The following ZNF334 variants were observed in gnomAD, a reference collection of about 807,000 sequenced individuals.
The protein encoded by ZNF334 is zinc finger protein 334.
Under a neutral mutation model 12.4 loss-of-function variants are expected in ZNF334, and 14 were observed. The observed-to-expected ratio is 1.13, with a 90% CI of 0.74 to 1.76. The LOEUF (loss-of-function observed/expected upper bound fraction) is 1.76, where lower values mean the gene tolerates loss of function less well. Ranked by LOEUF, ZNF334 falls within the 40% of genes most tolerant of loss-of-function variation. The pLI is 0.00. For synonymous variants in ZNF334, 273 were observed against 269.6 expected, an observed-to-expected ratio of 1.01 and a Z score of -0.12; for missense variants, 797 against 804.5, an observed-to-expected ratio of 0.99 and a Z score of 0.11.
chr20:46,480,328 G>A, the ZNF334 span, among the ~76,000 whole-genome samples: 1 of 152,022 alleles, frequency 6.6e-6, no homozygotes, highest in Non-Finnish European at 1.5e-5. Context: ...CCCCTTTCTG[G>A]GACAAGCAGC....
intron 2 of ZNF334, chr20:46,509,783 T>C (rs903788277): frequency 3.0e-6 from 2 of 660,634 alleles, no homozygotes; most frequent in African/African-American, 3.6e-5. Flanking sequence ...TGTGGGTGGG[T>C]GGCATTAACT....
the ZNF334 span, among the ~76,000 whole-genome samples, chr20:46,463,444 C>T: frequency 6.6e-6 from 1 of 152,168 alleles, no homozygotes; most frequent in African/African-American, 2.4e-5. Flanking sequence ...TCAGCAGAAA[C>T]GTCAAGGATC....
chr20:46,474,348 C>T, the ZNF334 span, among the ~76,000 whole-genome samples: 1 of 150,086 alleles, frequency 6.7e-6, no homozygotes, highest in East Asian at 1.9e-4. Flanking sequence ...CCACTGCATT[C>T]CAGCTGGGGC....
chr20:46,504,180 A>G (rs758485104), intron 4 of ZNF334, 34 bp downstream of exon 4: 4 of 1,451,990 alleles, frequency 2.8e-6, no homozygotes, highest in South Asian at 1.3e-5. Flanking sequence ...TCTCATTTCC[A>G]TTGGTTCCAC....
chr20:46,482,152 T>C, the ZNF334 span, among the ~76,000 whole-genome samples: 11 of 152,344 alleles, frequency 7.2e-5, no homozygotes, highest in East Asian at 1.5e-3. Flanking sequence ...GACACAGCAC[T>C]GCTAACCCAT....
chr20:46,503,464 A>G (rs2061323139), intron 4 of ZNF334, among the ~76,000 whole-genome samples: 1 of 152,232 alleles, frequency 6.6e-6, no homozygotes, highest in Non-Finnish European at 1.5e-5. Context: ...GGAGTGTTGA[A>G]TAAAACAGAC....
chr20:46,499,043 G>A (rs371684399), downstream of ZNF334, among the ~76,000 whole-genome samples: 38 of 150,878 alleles, frequency 2.5e-4, no homozygotes, highest in East Asian at 2.5e-3. Context: ...GCGTAGTGGC[G>A]GGCGCCTGTA....
chr20:46,484,578 G>A, the ZNF334 span: 1 of 167,568 alleles, frequency 6.0e-6, no homozygotes, highest in East Asian at 1.9e-4. Flanking sequence ...TAAATACCTT[G>A]CGTCTTTGGG....
At chr20:46,472,072 T>G in the ZNF334 span, among the ~76,000 whole-genome samples, 1 of 152,234 alleles carries the variant, frequency 6.6e-6, no homozygotes, top group Non-Finnish European at 1.5e-5. Flanking sequence ...ACTACATTTA[T>G]TTAGGTCTTC....
the ZNF334 span, among the ~76,000 whole-genome samples, chr20:46,474,844 T>C: frequency 1.3e-5 from 2 of 152,214 alleles, no homozygotes; most frequent in African/African-American, 4.8e-5. Context: ...CCAATTGGCA[T>C]AAGCTTCTAT....
the ZNF334 span, among the ~76,000 whole-genome samples, chr20:46,482,821 T>C: frequency 6.6e-6 from 1 of 152,316 alleles, no homozygotes; most frequent in African/African-American, 2.4e-5. Flanking sequence ...TAGATGGCCC[T>C]TATTCTCAAC....
At chr20:46,484,185 C>G in the ZNF334 span, among the ~76,000 whole-genome samples, 1 of 152,020 alleles carries the variant, frequency 6.6e-6, no homozygotes, top group Non-Finnish European at 1.5e-5. Flanking sequence ...GGTCATAATC[C>G]CACAGATGGT....
the ZNF334 span, chr20:46,465,092 C>G: frequency 3.8e-6 from 1 of 266,106 alleles, no homozygotes; most frequent in South Asian, 4.3e-5. Flanking sequence ...CCTTACAAAT[C>G]CCATGCACAA....
rs200631966 is a variant in ZNF334 at position 46,502,746 on chromosome 20, A to G, written c.593T>C (p.Leu198Pro). 503 of 1,613,758 alleles carry G rather than the reference A, an allele frequency of 3.1e-4. 1 individual carries two copies. The highest frequency in any genetic ancestry group is 4.1e-4 in the Non-Finnish European group (480 of 1,180,022). The change falls in exon 5 of 5, where the codon CTG becomes CCG. Residue 198 changes from leucine to proline, a missense_variant. By Grantham distance (98) the Leu-to-Pro change is moderately conservative. Transcript: ENST00000692313. The part of the protein sequence containing the change: ...KASNQNENLI[L>P]HQNIQILKQP... ...TTTCAAAATCTGAATGTTCTGGTGC[A>G]GAATAAGATTTTCGTTTTGATTGCT... is the stretch of plus-strand genomic sequence containing the variant.
chr20:46,481,771 T>C, the ZNF334 span, among the ~76,000 whole-genome samples: 1 of 152,070 alleles, frequency 6.6e-6, no homozygotes, highest in African/African-American at 2.4e-5. Context: ...TAAAATAATA[T>C]AGAAATGATA....
rs1408562224 is a variant in ZNF334, at chr20:46,501,553, C to T, written c.1786G>A (p.Gly596Arg). ...TCATTACATTCATATGGTTTCTCCC[C>T]AGTGTGAGTTCGCTGATGTTCAACA... The part of the protein sequence containing the change: ...SFVEHQRTHT[G>R]EKPYECNECG... Residue 596 changes from glycine to arginine, a missense_variant, in exon 5 of 5, where the codon GGG (glycine) becomes AGG (arginine). Gly to Arg is a moderately radical substitution (Grantham distance 125). Transcript: ENST00000692313. The T allele has an allele frequency of 1.9e-6, 3 of 1,613,956 alleles. No individual in the cohort carries two copies. Among genetic ancestry groups the T allele is most frequent in the Non-Finnish European group, 2.5e-6 (3 of 1,179,982 alleles).
rs765655896 is a variant in ZNF334, at chr20:46,502,225, T to C, written c.1114A>G (p.Arg372Gly). Reference sequence around the variant, plus strand: ...TTACATTCATTTGGCTTCTCTCCTCTGTGAGTTCTTTGATGTACAACAAGA... The same window carrying C: ...TTACATTCATTTGGCTTCTCTCCTCCGTGAGTTCTTTGATGTACAACAAGA... ...SYLVVHQRTH[R>G]GEKPNECKEC... Residue 372 changes from arginine (R) to glycine (G), a missense_variant, in exon 5 of 5, where the codon AGA (arginine) becomes GGA (glycine). Physicochemically the swap from Arg to Gly is moderately radical, Grantham distance 125. Transcript: ENST00000692313. 3 of 1,614,048 alleles carry C rather than the reference T, an allele frequency of 1.9e-6. No homozygotes were observed. Among genetic ancestry groups the C allele is most frequent in the African/African-American group, 2.7e-5 (2 of 74,938 alleles).
At chr20:46,486,525 C>T in the ZNF334 span, among the ~76,000 whole-genome samples, 13 of 152,216 alleles carry the variant, frequency 8.5e-5, no homozygotes, top group African/African-American at 3.1e-4. Flanking sequence ...TTCTACTTGG[C>T]TGTTTCTGAA....
At position 46,501,157 on chromosome 20, in the gene ZNF334, T is replaced by C; in HGVS notation, c.*139A>G. 2.1e-6 allele frequency: 2 copies of C among 943,738 alleles called. No homozygotes were observed. The highest frequency in any genetic ancestry group is 3.1e-6 in the Non-Finnish European group (2 of 641,228). The allele number at this position is 943,738 out of a possible 1,614,324, so 58.5% of individuals were successfully genotyped here. Reference sequence around the variant, plus strand: ...CTACATGATTTCTCTGATGTTACATTGAGGGTTGACTTATGGCAGAAAAAT... The same window carrying C: ...CTACATGATTTCTCTGATGTTACATCGAGGGTTGACTTATGGCAGAAAAAT... On this transcript the variant is annotated 3_prime_UTR_variant, in exon 5 of 5. Coordinates refer to ENST00000692313, the MANE Select transcript of ZNF334 (RefSeq NM_001353824.2).
Sources: allele counts gnomAD v4.1 joint callset (sites outside exome capture counted in the v4.1 genomes callset), GRCh38; gene constraint gnomAD v4.1.1; transcripts MANE v1.5; gene names NCBI Gene and HGNC (gene_info 2026-07-23, HGNC 2026-07-21).